The following OPRM1 variants were observed in gnomAD, a reference collection of about 807,000 sequenced individuals.
OPRM1 encodes the protein opioid receptor mu 1, also known as mu-type opioid receptor.
In OPRM1, 27 loss-of-function variants were observed where a neutral mutation model predicts 31.8. The observed-to-expected ratio is 0.85, with a 90% CI of 0.63 to 1.17. The LOEUF (loss-of-function observed/expected upper bound fraction) is 1.17, where lower values mean the gene tolerates loss of function less well. Among genes scored for constraint, OPRM1 ranks in the 50% most tolerant of loss-of-function variants. OPRM1 has a pLI of 0.00. For missense variants in OPRM1, 536 were observed against 511.1 expected, an observed-to-expected ratio of 1.05 and a Z score of -0.47; for synonymous variants, 196 against 189.9, an observed-to-expected ratio of 1.03 and a Z score of -0.26.
At chr6:154,191,212 A>G (rs2128580896) in intron 3 of OPRM1, among the ~76,000 whole-genome samples, 1 of 152,348 alleles carries the variant, frequency 6.6e-6, no homozygotes, top group East Asian at 1.9e-4. Flanking sequence ...GTAGTAAAAA[A>G]GATGAGAGGT....
At chr6:154,054,423 C>CT (rs1417358512) in intron 1 of OPRM1, among the ~76,000 whole-genome samples, 3 of 147,760 alleles carry the variant, frequency 2.0e-5, no homozygotes, top group Admixed American at 6.7e-5. Flanking sequence ...GAATCAGAAT[C>CT]TCCAGGGGCA....
chr6:154,117,571 T>C (rs1378147896), intron 3 of OPRM1, among the ~76,000 whole-genome samples: 1 of 152,124 alleles, frequency 6.6e-6, no homozygotes, highest in African/African-American at 2.4e-5. Context: ...TCTCAGCACC[T>C]GGGGGAGCAA....
intron 1 of OPRM1, among the ~76,000 whole-genome samples, chr6:154,055,662 C>G (rs948898141): frequency 6.6e-6 from 1 of 152,192 alleles, no homozygotes; most frequent in African/African-American, 2.4e-5. Flanking sequence ...CCCATCAACT[C>G]CTTCTACATG....
At chr6:154,094,651 A>G (rs1463863778) in intron 3 of OPRM1, among the ~76,000 whole-genome samples, 1 of 152,184 alleles carries the variant, frequency 6.6e-6, no homozygotes, top group Non-Finnish European at 1.5e-5. Flanking sequence ...CCTTGTTCTC[A>G]TGGTGGTCAC....
chr6:154,018,429 C>T (rs1243027012), intron 1 of OPRM1, among the ~76,000 whole-genome samples: 1 of 151,274 alleles, frequency 6.6e-6, no homozygotes, highest in African/African-American at 2.4e-5. Context: ...CAAAAACAAA[C>T]AAACAAACAA....
downstream of OPRM1, among the ~76,000 whole-genome samples, chr6:154,135,275 C>A (rs1409535697): frequency 6.6e-6 from 1 of 152,086 alleles, no homozygotes; most frequent in Non-Finnish European, 1.5e-5. Flanking sequence ...TCAAGACCAG[C>A]CTGGCCCACA....
intron 3 of OPRM1, among the ~76,000 whole-genome samples, chr6:154,208,087 G>A (rs1777648486): frequency 1.3e-5 from 2 of 151,520 alleles, no homozygotes; most frequent in African/African-American, 2.4e-5. Context: ...CAGATTGGGG[G>A]CTCCATTTGA....
chr6:154,043,859 C>T (rs1780565590), intron 1 of OPRM1, among the ~76,000 whole-genome samples: 1 of 152,020 alleles, frequency 6.6e-6, no homozygotes, highest in Non-Finnish European at 1.5e-5. Context: ...TGCTATTTTC[C>T]ATATAGAAAC....
At chr6:154,149,068 C>G (rs796619867) in intron 3 of OPRM1, among the ~76,000 whole-genome samples, 10 of 152,276 alleles carry the variant, frequency 6.6e-5, no homozygotes, top group African/African-American at 2.4e-4. Flanking sequence ...GGGGAATTGC[C>G]TGTATCTTAT....
At chr6:154,152,331 GAA>G (rs748560205) in intron 3 of OPRM1, among the ~76,000 whole-genome samples, 1 of 50,638 alleles carries the variant, frequency 2.0e-5, no homozygotes, top group African/African-American at 9.6e-5. Context: ...AAGAAAGAAA[GAA>G]AGAAAGAAAG....
intron 3 of OPRM1, among the ~76,000 whole-genome samples, chr6:154,201,647 C>A (rs1024472483): frequency 6.6e-6 from 1 of 152,218 alleles, no homozygotes; most frequent in African/African-American, 2.4e-5. Context: ...GTAATCCCAG[C>A]ACTTTGGGAG....
intron 1 of OPRM1, among the ~76,000 whole-genome samples, chr6:154,020,826 T>G (rs1372862463): frequency 6.6e-6 from 1 of 152,230 alleles, no homozygotes; most frequent in Non-Finnish European, 1.5e-5. Flanking sequence ...GCCACGTGTA[T>G]GTCTTCTTTG....
chr6:154,036,414 T>A (rs534723859), upstream of OPRM1, among the ~76,000 whole-genome samples: 1 of 151,838 alleles, frequency 6.6e-6, no homozygotes, highest in Non-Finnish European at 1.5e-5. Flanking sequence ...TAAAGACCAA[T>A]AGAAAACAAA....
intron 3 of OPRM1, chr6:154,221,313 G>A (rs763812907): frequency 6.2e-7 from 1 of 1,613,762 alleles, no homozygotes; most frequent in Non-Finnish European, 8.5e-7. Context: ...TCTGTGGATG[G>A]CTGATCTTAA....
In OPRM1 at chr6:154,143,988, G is replaced by T. The variant is rs569620583; in HGVS notation, c.1164+52516G>T. Among the ~76,000 whole-genome samples, 7 of 152,220 alleles carry T rather than the reference G, an allele frequency of 4.6e-5. No homozygotes were observed. The South Asian group carries it at 1.5e-3, about 32-fold the overall frequency. On this transcript the variant is annotated intron_variant, in intron 3 of 3. Transcript: ENST00000337049. ...TTACCAATATCAGAAATGAAACAGG[G>T]TTTTCAGTACAGACCTGCAGATATC...
chr6:154,236,867 A>G (rs755905636), intron 3 of OPRM1, among the ~76,000 whole-genome samples: 3 of 152,196 alleles, frequency 2.0e-5, no homozygotes, highest in Non-Finnish European at 2.9e-5. Context: ...GAGATTCTAC[A>G]TTGTGAGCCC....
intron 3 of OPRM1, among the ~76,000 whole-genome samples, chr6:154,238,493 C>T (rs1186581087): frequency 1.3e-5 from 2 of 151,974 alleles, no homozygotes; most frequent in Non-Finnish European, 2.9e-5. Flanking sequence ...CTCAAACTCC[C>T]GACCTCAGGT....
At chr6:154,077,369 C>T (rs1360103058) in intron 1 of OPRM1, among the ~76,000 whole-genome samples, 2 of 151,772 alleles carry the variant, frequency 1.3e-5, no homozygotes, top group Non-Finnish European at 2.9e-5. Context: ...GTGCCCACCT[C>T]GGCCTCCCAA....
chr6:154,133,748 A>C (rs1797987885), downstream of OPRM1, among the ~76,000 whole-genome samples: 1 of 152,156 alleles, frequency 6.6e-6, no homozygotes, highest in Non-Finnish European at 1.5e-5. Flanking sequence ...TGATCTGTCC[A>C]TTCTGTTTTA....
Sources: allele counts gnomAD v4.1 joint callset (sites outside exome capture counted in the v4.1 genomes callset), GRCh38; gene constraint gnomAD v4.1.1; transcripts MANE v1.5; gene names NCBI Gene and HGNC (gene_info 2026-07-23, HGNC 2026-07-21).